NKD2: variants seen among roughly 807,000 people sequenced by gnomAD.
The protein encoded by NKD2 is protein naked cuticle homolog 2.
A neutral mutation model predicts 34.8 loss-of-function variants in NKD2; 43 were observed. The observed-to-expected ratio is 1.24, with a 90% CI of 0.97 to 1.60. The LOEUF (loss-of-function observed/expected upper bound fraction) is 1.60. NKD2 is among the 40% of genes most tolerant of loss of function. NKD2 has a pLI of 0.00. For synonymous variants in NKD2, 278 were observed against 265.1 expected, an observed-to-expected ratio of 1.05 and a Z score of -0.47; for missense variants, 675 against 627.1, an observed-to-expected ratio of 1.08 and a Z score of -0.82.
At chr5:1,019,989 C>G (rs1461477511) in intron 3 of NKD2, among the ~76,000 whole-genome samples, 1 of 152,074 alleles carries the variant, frequency 6.6e-6, no homozygotes, top group Non-Finnish European at 1.5e-5. Flanking sequence ...GTTCAGGGCC[C>G]GAGTCGTGGT....
intron 3 of NKD2, among the ~76,000 whole-genome samples, chr5:1,030,424 T>C (rs1756598943): frequency 6.6e-6 from 1 of 152,222 alleles, no homozygotes; most frequent in Admixed American, 6.5e-5. Flanking sequence ...GTAGAGCTCC[T>C]AGTATCTGGT....
intron 9 of NKD2, chr5:1,037,542 A>G: frequency 1.3e-6 from 2 of 1,535,852 alleles, no homozygotes; most frequent in Non-Finnish European, 1.7e-6. Flanking sequence ...GCGAGAAGAG[A>G]AGCTCCGCTC....
chr5:1,030,408 G>A (rs1756598284), intron 3 of NKD2, among the ~76,000 whole-genome samples: 1 of 152,224 alleles, frequency 6.6e-6, no homozygotes, highest in Admixed American at 6.5e-5. Context: ...GTCCACCTGA[G>A]GGGCTGTAGA....
At chr5:1,027,521 C>T (rs898046693) in intron 3 of NKD2, among the ~76,000 whole-genome samples, 1 of 152,232 alleles carries the variant, frequency 6.6e-6, no homozygotes, top group African/African-American at 2.4e-5. Flanking sequence ...TGCCTCGGCT[C>T]CCATCACCTC....
At chr5:1,029,506 T>C (rs183064585) in intron 3 of NKD2, among the ~76,000 whole-genome samples, 2 of 152,264 alleles carry the variant, frequency 1.3e-5, no homozygotes. Context: ...CGCCCCTCCT[T>C]CTGTCACCCT....
chr5:1,038,467 G>GCCCGGCC lies in NKD2; in HGVS notation c.*97_*98insGGCCCCC, dbSNP rs1410848845. 2 of 1,531,590 alleles carry GCCCGGCC rather than the reference G, an allele frequency of 1.3e-6. No individual in the cohort carries two copies. Among genetic ancestry groups the GCCCGGCC allele is most frequent in the Admixed American group, 3.9e-5 (2 of 50,708 alleles). The allele number at this position is 1,531,590 out of a possible 1,614,324, so 94.9% of individuals were successfully genotyped here. On this transcript the variant is annotated 3_prime_UTR_variant, in exon 10 of 10. Coordinates refer to ENST00000296849, the MANE Select transcript of NKD2 (RefSeq NM_033120.4). The surrounding 1 kb of genome is among the most constrained non-coding windows in gnomAD (Gnocchi z 4.5). ...GCTGCCGGCTGTGTGCCCATGGGGAGCCCAGCCCCCACCCCCCACCTCCGA... is the reference window on the plus strand; with the variant it reads ...GCTGCCGGCTGTGTGCCCATGGGGAGCCCGGCCCCCAGCCCCCACCCCCCACCTCCGA...
chr5:1,035,746 A>C lies in NKD2; in HGVS notation c.659+273A>C, dbSNP rs12657578. The C allele has an allele frequency of 9.8e-4, 488 of 496,622 alleles. 1 individual carries two copies. The highest frequency in any genetic ancestry group is 7.0e-3 in the African/African-American group (358 of 51,074). 30.8% of individuals were successfully genotyped at this position (496,622 alleles called of 1,614,324 possible). On this transcript the variant is annotated intron_variant, in intron 8 of 9. Coordinates refer to ENST00000296849, the MANE Select transcript of NKD2 (RefSeq NM_033120.4). Reference sequence around the variant, plus strand: ...CCTCAGTCTGGACTTGCTGTGGCTCACTGTGGCTCCCTGTGGCTCCACTCA... The same window carrying C: ...CCTCAGTCTGGACTTGCTGTGGCTCCCTGTGGCTCCCTGTGGCTCCACTCA...
chr5:1,034,666 G>A (rs1322591788), intron 6 of NKD2, 90 bp from the exon 7 acceptor site: 2 of 1,336,894 alleles, frequency 1.5e-6, no homozygotes, highest in Non-Finnish European at 2.1e-6. Flanking sequence ...GGCATAGGAA[G>A]GGGCGGGGGC....
rs1441830374 is a variant in NKD2 at position 1,017,555 on chromosome 5, CTGTT to C, written c.141+7999_141+8002del. ...GCTGGACAGAGCAGGACCTGCACCTCTGTTTGTCACAGGCTTGTCCTGGGCACCG... is the reference window on the plus strand; with the variant it reads ...GCTGGACAGAGCAGGACCTGCACCTCTGTCACAGGCTTGTCCTGGGCACCG... On this transcript the variant is annotated intron_variant, in intron 3 of 9. Coordinates refer to ENST00000296849, the MANE Select transcript of NKD2 (RefSeq NM_033120.4). 3.3e-5 allele frequency among the ~76,000 whole-genome samples: 5 copies of C among 152,380 alleles called. No individual in the cohort carries two copies. In the East Asian group the frequency reaches 9.6e-4, roughly 29 times the overall value.
At chr5:1,011,847 C>T (rs1421887230) in intron 3 of NKD2, among the ~76,000 whole-genome samples, 1 of 152,280 alleles carries the variant, frequency 6.6e-6, no homozygotes, top group Admixed American at 6.5e-5. Context: ...GTGGCTCTCC[C>T]TGGCGACTCT....
chr5:1,019,239 G>A lies in NKD2; in HGVS notation c.141+9679G>A, dbSNP rs73024901. ...GTGCTGTAAGGGTGTCTTTGTGTGC[G>A]GCTCAGAGCTCATCCCGAGAACCCT... On this transcript the variant is annotated intron_variant, in intron 3 of 9. Coordinates refer to ENST00000296849, the MANE Select transcript of NKD2 (RefSeq NM_033120.4). Among the ~76,000 whole-genome samples, 419 of 152,296 alleles carry A rather than the reference G, an allele frequency of 2.8e-3. 5 individuals carry two copies. The highest frequency in any genetic ancestry group is 9.5e-3 in the African/African-American group (394 of 41,554).
chr5:1,025,724 C>T (rs1158221787), intron 3 of NKD2, among the ~76,000 whole-genome samples: 1 of 72,434 alleles, frequency 1.4e-5, no homozygotes, highest in African/African-American at 6.2e-5. Context: ...AGCCCATTGT[C>T]CCTGCTCTTC....
intron 3 of NKD2, among the ~76,000 whole-genome samples, chr5:1,016,633 C>G (rs565988282): frequency 6.6e-6 from 1 of 152,348 alleles, no homozygotes; most frequent in Non-Finnish European, 1.5e-5. Flanking sequence ...TCCCTCCTTG[C>G]TGTCTCCAGT....
intron 3 of NKD2, among the ~76,000 whole-genome samples, chr5:1,015,519 C>G (rs1473705308): frequency 6.6e-6 from 1 of 152,194 alleles, no homozygotes; most frequent in Non-Finnish European, 1.5e-5. Flanking sequence ...AGCCCTATGT[C>G]CTTCCTGCAG....
Position 1,036,279 on chromosome 5 carries a change from C to T in NKD2, c.682C>T (p.Pro228Ser). 1 of 1,610,392 alleles carries T rather than the reference C, an allele frequency of 6.2e-7. No homozygotes were observed. ...CAGGAGGCCCAGTACTGACCCCCAG[C>T]CCTGCTCGGAGCGGGGGCCCTACTG... ...HVRRPSTDPQ[P>S]CSERGPYCVD... Residue 228 changes from proline to serine, a missense_variant, in exon 9 of 10, where the codon CCC becomes TCC. Coordinates refer to ENST00000296849, the MANE Select transcript of NKD2 (RefSeq NM_033120.4).
In NKD2 at chr5:1,038,026, T is replaced by C. The variant is rs1263286293; in HGVS notation, c.1009T>C (p.Ser337Pro). 1 of 1,608,884 alleles carries C rather than the reference T, an allele frequency of 6.2e-7. No homozygotes were observed. Among genetic ancestry groups the C allele is most frequent in the Admixed American group, 1.7e-5 (1 of 59,852 alleles). Residue 337 changes from serine (S) to proline (P), a missense_variant, in exon 10 of 10, where the codon TCC becomes CCC. Transcript: ENST00000296849. The surrounding 1 kb of genome is among the most constrained non-coding windows in gnomAD (Gnocchi z 4.5). ...GCAGTTCCTCAAGTCCCCCAAGGGC[T>C]CCGGGAAGCCGCCTGGGGTGCCAGC... ...EKQFLKSPKG[S>P]GKPPGVPASS...
At position 1,038,076 on chromosome 5, in the gene NKD2, C is replaced by T; in HGVS notation, c.1059C>T (p.Phe353=). The change falls in exon 10 of 10, where the codon TTC becomes TTT. Residue 353 remains phenylalanine (F), a synonymous_variant. Transcript: ENST00000296849. The surrounding 1 kb of genome is among the most constrained non-coding windows in gnomAD (Gnocchi z 4.5). ...CCAGCAGCAAGTCCGGGAAAGCCTT[C>T]AGCTACTACCTGCCGGCCGTCCTGC... ...VPASSKSGKA[F]SYYLPAVLPP... 1 of 1,608,422 alleles carries T rather than the reference C, an allele frequency of 6.2e-7. No homozygotes were observed. Among genetic ancestry groups the T allele is most frequent in the Non-Finnish European group, 8.5e-7 (1 of 1,178,852 alleles).
rs531798393 is a variant in NKD2, at chr5:1,038,490, C to T, written c.*117C>T. The T allele has an allele frequency of 5.8e-5, 89 of 1,529,026 alleles. No homozygotes were observed. The highest frequency in any genetic ancestry group is 3.4e-4 in the Middle Eastern group (2 of 5,970). The allele number at this position is 1,529,026 out of a possible 1,614,324, so 94.7% of individuals were successfully genotyped here. ...GAGCCCAGCCCCCACCCCCCACCTC[C>T]GACAGCAAACAGCAACTGACTGCAG... On this transcript the variant is annotated 3_prime_UTR_variant, in exon 10 of 10. Transcript: ENST00000296849. The surrounding 1 kb of genome is among the most constrained non-coding windows in gnomAD (Gnocchi z 4.5).
At chr5:1,035,840 G>A (rs1473708196) in intron 8 of NKD2, 4 of 395,742 alleles carry the variant, frequency 1.0e-5, no homozygotes, top group African/African-American at 8.3e-5. Flanking sequence ...GCAGTGGTTG[G>A]GGGTGGCTGG....
Sources: gnomAD v4.1 joint callset for allele counts (sites outside exome capture counted in the v4.1 genomes callset) on GRCh38, gnomAD v4.1.1 for gene constraint, Gnocchi (gnomAD v3.1) non-coding constraint, MANE v1.5 for transcripts, NCBI Gene and HGNC (gene_info 2026-07-23, HGNC 2026-07-21) for gene names.